The following SAMD12 variants were observed in gnomAD, a reference collection of about 807,000 sequenced individuals.
SAMD12 encodes sterile alpha motif domain-containing protein 12.
Under a neutral mutation model 15.0 loss-of-function variants are expected in SAMD12, and 9 were observed. The ratio of observed to expected loss-of-function variants is 0.60; its 90% CI spans 0.36 to 1.05. The LOEUF (loss-of-function observed/expected upper bound fraction) is 1.05, where lower values mean the gene tolerates loss of function less well. Among genes scored for constraint, SAMD12 ranks in the 50% least tolerant of loss-of-function variants. The pLI is 0.01. For missense variants in SAMD12, 230 were observed against 234.2 expected (o/e 0.98, Z 0.12); for synonymous variants, 86 against 90.1 (o/e 0.96, Z 0.25).
intron 4 of SAMD12, among the ~76,000 whole-genome samples, chr8:118,276,065 C>T (rs1375853267): frequency 6.6e-6 from 1 of 152,124 alleles, no homozygotes; most frequent in Non-Finnish European, 1.5e-5. Context: ...TTTGTTGAAA[C>T]CTTATGCTCC....
downstream of SAMD12, among the ~76,000 whole-genome samples, chr8:118,188,238 AAT>A (rs1819277663): frequency 6.6e-6 from 1 of 152,090 alleles, no homozygotes; most frequent in South Asian, 2.1e-4. Context: ...GAAGAGAAGA[AAT>A]AGTTAGAAAT....
At chr8:118,257,547 T>C (rs2450216) in intron 4 of SAMD12, among the ~76,000 whole-genome samples, 20,349 of 152,152 alleles carry the variant, frequency 0.13, 2,042 homozygotes, top group East Asian at 0.57. Flanking sequence ...CCGTATGAAA[T>C]GACCATACGG....
chr8:118,513,489 A>G (rs1825144200), intron 2 of SAMD12, among the ~76,000 whole-genome samples: 1 of 152,226 alleles, frequency 6.6e-6, no homozygotes. Context: ...AAGAAAAACC[A>G]ACAATCAACA....
rs3894437 is a variant in SAMD12 at position 118,294,054 on chromosome 8, T to C, written c.433+85506A>G. Among the ~76,000 whole-genome samples, 1,011 of 152,318 alleles carry C rather than the reference T, an allele frequency of 6.6e-3. 14 individuals are homozygous for C. Among genetic ancestry groups the C allele is most frequent in the African/African-American group, 0.023 (964 of 41,578 alleles). On this transcript the variant is annotated intron_variant, in intron 4 of 4. Transcript: ENST00000409003. The stretch of plus-strand genomic sequence containing the variant: ...ACTGGCTCCAAGTTTGGGGTATCCT[T>C]GCTCCCCAGTGTGATGGCAGCCTGC...
chr8:118,191,948 T>C (rs933984687), exon 5 of SAMD12: 1 of 149,922 alleles, frequency 6.7e-6, no homozygotes, highest in South Asian at 2.1e-4. Flanking sequence ...GGATAAGAAG[T>C]CTCTATAGAG....
At chr8:118,477,135 G>A (rs548267255) in intron 2 of SAMD12, among the ~76,000 whole-genome samples, 11 of 151,066 alleles carry the variant, frequency 7.3e-5, no homozygotes, top group East Asian at 1.9e-4. Context: ...TTGTGATCTC[G>A]GCTCACTGCA....
chr8:118,401,015 G>A (rs1820842719), intron 3 of SAMD12, among the ~76,000 whole-genome samples: 1 of 152,192 alleles, frequency 6.6e-6, no homozygotes, highest in African/African-American at 2.4e-5. Context: ...TTCAAAATGT[G>A]CCTAAACTGA....
At chr8:118,573,317 C>A (rs943427653) in intron 2 of SAMD12, among the ~76,000 whole-genome samples, 9 of 152,120 alleles carry the variant, frequency 5.9e-5, no homozygotes, top group African/African-American at 2.2e-4. Flanking sequence ...AACTCCTGAC[C>A]TCAAGTGATC....
chr8:118,285,578 T>G (rs1218465706), intron 4 of SAMD12, among the ~76,000 whole-genome samples: 1 of 152,228 alleles, frequency 6.6e-6, no homozygotes, highest in African/African-American at 2.4e-5. Context: ...AACAGCACGC[T>G]TGAAAAACTC....
At chr8:118,225,185 T>C (rs905170277) in intron 4 of SAMD12, among the ~76,000 whole-genome samples, 6 of 152,202 alleles carry the variant, frequency 3.9e-5, no homozygotes, top group Admixed American at 3.9e-4. Context: ...GACTTCTTCC[T>C]GTATTAAATG....
intron 2 of SAMD12, among the ~76,000 whole-genome samples, chr8:118,579,330 A>G (rs1055414744): frequency 6.6e-6 from 1 of 152,128 alleles, no homozygotes; most frequent in African/African-American, 2.4e-5. Flanking sequence ...ATGCCCATGT[A>G]TTGATCAGGT....
intron 4 of SAMD12, among the ~76,000 whole-genome samples, chr8:118,249,115 C>A (rs111398480): frequency 3.0e-4 from 45 of 152,184 alleles, no homozygotes; most frequent in African/African-American, 1.1e-3. Context: ...ATATCTAATA[C>A]AATGCTTACA....
chr8:118,475,590 A>G (rs981265403), intron 2 of SAMD12, among the ~76,000 whole-genome samples: 1 of 152,246 alleles, frequency 6.6e-6, no homozygotes, highest in African/African-American at 2.4e-5. Context: ...TAAATTGCAG[A>G]GCCAGGATTG....
intron 4 of SAMD12, among the ~76,000 whole-genome samples, chr8:118,272,388 C>T (rs1267748211): frequency 6.6e-6 from 1 of 152,188 alleles, no homozygotes; most frequent in African/African-American, 2.4e-5. Context: ...ATGTGTCCTT[C>T]CTATGCCTCT....
intron 2 of SAMD12, among the ~76,000 whole-genome samples, chr8:118,509,884 G>A (rs1167612201): frequency 2.0e-5 from 3 of 152,142 alleles, no homozygotes; most frequent in African/African-American, 4.8e-5. Context: ...GCATAACATT[G>A]TAATTGTTAA....
intron 1 of SAMD12, among the ~76,000 whole-genome samples, chr8:118,609,422 T>G (rs1828054810): frequency 6.6e-6 from 1 of 152,232 alleles, no homozygotes; most frequent in Non-Finnish European, 1.5e-5. Context: ...GTAGCTGGGC[T>G]TAACCGAAGA....
chr8:118,458,526 A>AGG (rs1823324160), intron 2 of SAMD12, among the ~76,000 whole-genome samples: 1 of 152,224 alleles, frequency 6.6e-6, no homozygotes, highest in Non-Finnish European at 1.5e-5. Context: ...AGAGAGAATC[A>AGG]AGTGCAGGAC....
chr8:118,201,269 T>G (rs546253169), intron 4 of SAMD12, among the ~76,000 whole-genome samples: 5 of 152,330 alleles, frequency 3.3e-5, no homozygotes, highest in Admixed American at 3.3e-4. Flanking sequence ...TGTGGGGTTG[T>G]TCCAGGTCTT....
intron 3 of SAMD12, among the ~76,000 whole-genome samples, chr8:118,424,009 G>C (rs970971881): frequency 2.6e-5 from 4 of 152,092 alleles, no homozygotes; most frequent in African/African-American, 4.8e-5. Context: ...TATCTTGGGA[G>C]TATTCGATGC....
Sources: allele counts gnomAD v4.1 joint callset (sites outside exome capture counted in the v4.1 genomes callset), GRCh38; gene constraint gnomAD v4.1.1; transcripts MANE v1.5; gene names NCBI Gene and HGNC (gene_info 2026-07-23, HGNC 2026-07-21).